Variants in MDGA2 observed in about 807,000 individuals in gnomAD.
The protein encoded by MDGA2 is MAM domain-containing glycosylphosphatidylinositol anchor protein 2.
MDGA2 carries 40 observed loss-of-function variants against 117.8 expected under a neutral mutation model. That is an observed-to-expected ratio of 0.34 (90% CI 0.26 to 0.44). The LOEUF is 0.44. Among genes scored for constraint, MDGA2 ranks in the 20% least tolerant of loss-of-function variants. The pLI is 1.00. For missense variants in MDGA2, 1,123 were observed against 1,250.6 expected (o/e 0.90, Z 1.54); for synonymous variants, 452 against 439.0 (o/e 1.03, Z -0.37).
chr14:47,171,218 C>A (rs1443108229), intron 3 of MDGA2, among the ~76,000 whole-genome samples: 2 of 151,908 alleles, frequency 1.3e-5, no homozygotes, highest in Non-Finnish European at 1.5e-5. Flanking sequence ...TGGGAAAATA[C>A]TGAAGGTTCT....
At chr14:47,133,945 CA>C (rs1484032043) in intron 4 of MDGA2, among the ~76,000 whole-genome samples, 1 of 151,874 alleles carries the variant, frequency 6.6e-6, no homozygotes, top group African/African-American at 2.4e-5. Context: ...GCAAGCAAGC[CA>C]CAATGATTTA....
intron 1 of MDGA2, among the ~76,000 whole-genome samples, chr14:47,304,783 C>T (rs1164302381): frequency 1.3e-5 from 2 of 152,094 alleles, no homozygotes; most frequent in Non-Finnish European, 2.9e-5. Context: ...AACTAAAAGT[C>T]CCATTTCTCT....
chr14:47,145,535 T>C (rs1005170329), intron 3 of MDGA2, among the ~76,000 whole-genome samples: 1 of 152,216 alleles, frequency 6.6e-6, no homozygotes, highest in Non-Finnish European at 1.5e-5. Context: ...TGTGCTAGTA[T>C]AAACTTAGTA....
At chr14:47,334,513 G>A (rs995186400) in intron 1 of MDGA2, among the ~76,000 whole-genome samples, 1 of 151,882 alleles carries the variant, frequency 6.6e-6, no homozygotes, top group Non-Finnish European at 1.5e-5. Context: ...CCACAGGATT[G>A]TTCAGACCAT....
chr14:47,279,276 AT>A, intron 2 of MDGA2, among the ~76,000 whole-genome samples: 1 of 152,228 alleles, frequency 6.6e-6, no homozygotes, highest in South Asian at 2.1e-4. Context: ...ACAATGTAAC[AT>A]TTTTAAGTCT....
At chr14:47,153,713 A>T (rs866808697) in intron 3 of MDGA2, among the ~76,000 whole-genome samples, 5 of 151,864 alleles carry the variant, frequency 3.3e-5, no homozygotes. Flanking sequence ...AAGAAATAAA[A>T]AAAAAAAAAA....
chr14:46,886,132 A>T (rs1882666872), intron 10 of MDGA2, among the ~76,000 whole-genome samples: 1 of 152,194 alleles, frequency 6.6e-6, no homozygotes, highest in African/African-American at 2.4e-5. Flanking sequence ...CCTTGATGAA[A>T]ATGCAAATTG....
In MDGA2 at chr14:46,988,234, A is replaced by G. The variant is rs1886941137; in HGVS notation, c.1820-30591T>C. Reference sequence around the variant, plus strand: ...GCTGATTATTCCATAAATTATGAAGAAGGAAATAGAAAACTAGAGTCAAAT... The same window carrying G: ...GCTGATTATTCCATAAATTATGAAGGAGGAAATAGAAAACTAGAGTCAAAT... On this transcript the variant is annotated intron_variant, in intron 8 of 16. Transcript: ENST00000399232. Among the ~76,000 whole-genome samples, 4 of 151,976 alleles carry G rather than the reference A, an allele frequency of 2.6e-5. No individual in the cohort carries two copies. In the South Asian group the frequency reaches 8.3e-4, roughly 32 times the overall value.
intron 8 of MDGA2, among the ~76,000 whole-genome samples, chr14:47,025,907 G>A (rs562708835): frequency 1.3e-5 from 2 of 152,148 alleles, no homozygotes; most frequent in South Asian, 4.1e-4. Context: ...GGGCATGTTG[G>A]CAAGCTATTG....
At chr14:47,175,655 T>C (rs2139344776) in intron 3 of MDGA2, among the ~76,000 whole-genome samples, 1 of 151,772 alleles carries the variant, frequency 6.6e-6, no homozygotes, top group South Asian at 2.1e-4. Context: ...TATCTCAAAA[T>C]AATAAGAGCT....
intron 5 of MDGA2, among the ~76,000 whole-genome samples, chr14:47,121,614 G>C (rs1881656323): frequency 6.6e-6 from 1 of 151,964 alleles, no homozygotes; most frequent in South Asian, 2.1e-4. Flanking sequence ...GATATTTTCA[G>C]TACACCCACT....
At chr14:47,332,945 T>C (rs1890334861) in intron 1 of MDGA2, among the ~76,000 whole-genome samples, 1 of 151,946 alleles carries the variant, frequency 6.6e-6, no homozygotes, top group South Asian at 2.1e-4. Flanking sequence ...TAATAGCCTC[T>C]AGTTCCATCC....
At chr14:47,546,346 G>C (rs909288321) in intron 1 of MDGA2, among the ~76,000 whole-genome samples, 1 of 152,082 alleles carries the variant, frequency 6.6e-6, no homozygotes, top group African/African-American at 2.4e-5. Context: ...ACTCAAGGGG[G>C]TCAGGTGGTT....
intron 1 of MDGA2, among the ~76,000 whole-genome samples, chr14:47,654,637 C>G (rs1897709127): frequency 6.6e-6 from 1 of 151,910 alleles, no homozygotes. Flanking sequence ...ACTGAGAGTT[C>G]CAGTTATGAA....
chr14:47,359,327 C>CT (rs1214075057), intron 1 of MDGA2, among the ~76,000 whole-genome samples: 1 of 152,122 alleles, frequency 6.6e-6, no homozygotes, highest in Admixed American at 6.6e-5. Context: ...GCACTCCAAC[C>CT]TGGTGACATA....
At chr14:46,989,522 G>A (rs550176098) in intron 8 of MDGA2, among the ~76,000 whole-genome samples, 2 of 152,038 alleles carry the variant, frequency 1.3e-5, no homozygotes, top group South Asian at 2.1e-4. Context: ...TACTATCATA[G>A]GAAAGACTAA....
chr14:47,266,117 T>C (rs1244434204), intron 2 of MDGA2, among the ~76,000 whole-genome samples: 1 of 152,142 alleles, frequency 6.6e-6, no homozygotes, highest in Admixed American at 6.5e-5. Flanking sequence ...CAAAGAGATG[T>C]AGTTTAAATA....
chr14:47,114,168 G>C (rs932707193), intron 5 of MDGA2, among the ~76,000 whole-genome samples: 2 of 151,984 alleles, frequency 1.3e-5, no homozygotes, highest in Non-Finnish European at 2.9e-5. Flanking sequence ...CTGCTACAAA[G>C]AGAATAAAAT....
At chr14:47,045,988 C>T (rs754590701) in intron 7 of MDGA2, among the ~76,000 whole-genome samples, 31 of 145,410 alleles carry the variant, frequency 2.1e-4, no homozygotes, top group Non-Finnish European at 4.4e-4. Flanking sequence ...GAACATCACA[C>T]ACCGGGGACT....
Sources: gnomAD v4.1 joint callset for allele counts (sites outside exome capture counted in the v4.1 genomes callset) on GRCh38, gnomAD v4.1.1 for gene constraint, MANE v1.5 for transcripts, NCBI Gene and HGNC (gene_info 2026-07-23, HGNC 2026-07-21) for gene names.